Variants in KIF1A observed in about 807,000 individuals in gnomAD.
The protein encoded by KIF1A is kinesin-like protein KIF1A.
Under a neutral mutation model 227.3 loss-of-function variants are expected in KIF1A, and 46 were observed. The observed-to-expected ratio is 0.20, with a 90% CI of 0.16 to 0.26. The LOEUF (loss-of-function observed/expected upper bound fraction) is 0.26. KIF1A is among the 10% of genes least tolerant of loss of function. The pLI is 1.00. For synonymous variants in KIF1A, 1,022 were observed against 1,012.8 expected (o/e 1.01, Z -0.17); for missense variants, 1,683 against 2,485.9 (o/e 0.68, Z 6.87).
Position 240,763,063 on chromosome 2 carries a change from G to A in KIF1A, c.1978C>T (p.Arg660Cys), listed in dbSNP as rs755461108. Residue 660 changes from arginine to cysteine, a missense_variant, in exon 22 of 49, where the codon CGC (arginine) becomes TGC (cysteine). By Grantham distance (180) the Arg-to-Cys change is radical (BLOSUM62 -3). Around this residue, in one of 12 missense-constraint regions of KIF1A, gnomAD observed 217 missense variants for 427.0 expected, o/e 0.51. Transcript: ENST00000498729. ...AGGTAGGTGGCCTCCTCCCGCTCGC[G>A]GCGGTACTGGTCCTCCAGTTCCTGG... Reference protein sequence around the residue: ...RLQELEDQYRREREEATYLLE... With the variant: ...RLQELEDQYRCEREEATYLLE... The A allele has an allele frequency of 1.3e-6, 2 of 1,560,600 alleles. No individual in the cohort carries two copies. The highest frequency in any genetic ancestry group is 1.7e-6 in the Non-Finnish European group (2 of 1,155,278).
At position 240,775,811 on chromosome 2, in the gene KIF1A, G is replaced by C. The variant is rs760724447; in HGVS notation, c.958+40C>G. On this transcript the variant is annotated intron_variant, in intron 11 of 48. Coordinates refer to ENST00000498729, the MANE Select transcript of KIF1A (RefSeq NM_001244008.2). The surrounding 1 kb of genome is among the most constrained non-coding windows in gnomAD (Gnocchi z 5.5). ...GGAAGAAGGGCACAGCCCAGGGTGG[G>C]ATCAGAGCCCTGGGGACAGGCAAAC... The C allele has an allele frequency of 7.4e-7, 1 of 1,360,174 alleles. No individual in the cohort carries two copies. The highest frequency in any genetic ancestry group is 1.1e-6 in the Non-Finnish European group (1 of 948,450). The allele number at this position is 1,360,174 out of a possible 1,614,324, so 84.3% of individuals were successfully genotyped here. A position where few individuals can be genotyped will look rare whatever the true frequency, so the allele number is the denominator to read the frequency against.
rs2050749506 is a variant in KIF1A, at chr2:240,763,224, C to T, written c.1891G>A (p.Ala631Thr). 6.2e-7 allele frequency: 1 copy of T among 1,612,908 alleles called. No homozygotes were observed. The highest frequency in any genetic ancestry group is 8.5e-7 in the Non-Finnish European group (1 of 1,179,796). The part of the protein sequence containing the change: ...TPAEPVDWAF[A>T]QRELLEKQGI... ...TGCTTCTCCAGCAGCTCACGCTGGG[C>T]GAAGGCCCAGTCCACAGGCTCAGCT... Residue 631 changes from alanine (A) to threonine (T), a missense_variant, in exon 21 of 49, where the codon GCC (alanine) becomes ACC (threonine). By Grantham distance (58) the Ala-to-Thr change is moderately conservative. Transcript: ENST00000498729.
intron 38 of KIF1A, among the ~76,000 whole-genome samples, chr2:240,728,733 G>T (rs896756545): frequency 2.0e-5 from 3 of 152,204 alleles, no homozygotes; most frequent in Admixed American, 2.0e-4. Context: ...AACATTGCAG[G>T]ATCCTGTGGA....
intron 1 of KIF1A, among the ~76,000 whole-genome samples, chr2:240,807,441 C>T (rs2057528873): frequency 6.6e-6 from 1 of 152,112 alleles, no homozygotes; most frequent in African/African-American, 2.4e-5. Context: ...CCGCACCCAG[C>T]CCCTTCCATA....
chr2:240,727,469 G>A (rs1391330817), intron 38 of KIF1A, among the ~76,000 whole-genome samples: 4 of 152,202 alleles, frequency 2.6e-5, no homozygotes, highest in Admixed American at 6.5e-5. Context: ...GGACCTGCCC[G>A]GGTTTGCCAA....
At position 240,820,082 on chromosome 2, in the gene KIF1A, G is replaced by GGGGCGC. The variant is rs1291630601; in HGVS notation, c.-61+34_-61+39dup. The GGGGCGC allele has an allele frequency of 2.0e-5, 3 of 151,236 alleles. No homozygotes were observed. The highest frequency in any genetic ancestry group is 6.7e-5 in the Admixed American group (1 of 14,976). The allele number at this position is 151,236 out of a possible 1,614,324, so 9.4% of individuals were successfully genotyped here. On this transcript the variant is annotated intron_variant, in intron 1 of 48. Transcript: ENST00000498729. The surrounding 1 kb of genome is among the most constrained non-coding windows in gnomAD (Gnocchi z 6.2). The stretch of plus-strand genomic sequence containing the variant: ...GCTGCCGGGCGCAGGTGCGGGGCGA[G>GGGGCGC]GGGCGCGGGCGCGGGAGGCCGGGCG...
In KIF1A at chr2:240,795,276, T is replaced by A. The variant is rs1047594222; in HGVS notation, c.106+2371A>T. On this transcript the variant is annotated intron_variant, in intron 2 of 48. Coordinates refer to ENST00000498729, the MANE Select transcript of KIF1A (RefSeq NM_001244008.2). Reference sequence around the variant, plus strand: ...CATAGGCGAAATCCCAGAACTCCAATGTCTTCAGGGCCAGACGGGATCCAG... The same window carrying A: ...CATAGGCGAAATCCCAGAACTCCAAAGTCTTCAGGGCCAGACGGGATCCAG... 1.1e-4 allele frequency among the ~76,000 whole-genome samples: 17 copies of A among 152,146 alleles called. 1 individual carries two copies. Among genetic ancestry groups the A allele is most frequent in the African/African-American group, 4.1e-4 (17 of 41,438 alleles).
Position 240,786,466 on chromosome 2 carries a change from G to A in KIF1A, c.477C>T (p.Asn159=), listed in dbSNP as rs1266188389. 1 of 1,613,612 alleles carries A rather than the reference G, an allele frequency of 6.2e-7. No individual in the cohort carries two copies. The highest frequency in any genetic ancestry group is 1.7e-5 in the Admixed American group (1 of 60,016). Residue 159 remains asparagine (N), a synonymous_variant, in exon 6 of 49, where the codon AAC becomes AAT. Coordinates refer to ENST00000498729, the MANE Select transcript of KIF1A (RefSeq NM_001244008.2). ...CGCGAAGGTTGCCCTTGTTCTTGGG[G>A]TTCAGGAGGTCACGGACGCGCTCAC... ...IYCERVRDLL[N]PKNKGNLRVR... is the part of the protein sequence containing the mutation.
rs1476872386 is a variant in KIF1A at position 240,766,510 on chromosome 2, T to C, written c.1684+405A>G. On this transcript the variant is annotated intron_variant, in intron 19 of 48. Transcript: ENST00000498729. This position sits in a 1 kb window ranked among gnomAD's most constrained non-coding sequence, Gnocchi z 5.0. ...TCTGGGCTCAATCCTCATGGCTCAC[T>C]GTCCTCCCGCCATGAACATCCTCCA... Among the ~76,000 whole-genome samples, 2 of 152,142 alleles carry C rather than the reference T, an allele frequency of 1.3e-5. No individual in the cohort carries two copies. Among genetic ancestry groups the C allele is most frequent in the East Asian group, 3.9e-4 (2 of 5,162 alleles).
Position 240,782,615 on chromosome 2 carries a change from G to A in KIF1A, c.865-8C>T, listed in dbSNP as rs1407458603. ...CTTGTTGGGTCCGGAGTCCTGAAAA[G>A]GAAAAGACAGAGAGAGGCTGAGGCC... is the stretch of plus-strand genomic sequence containing the variant. On this transcript the variant is annotated splice_region_variant and splice_polypyrimidine_tract_variant and intron_variant, in intron 9 of 48. Coordinates refer to ENST00000498729, the MANE Select transcript of KIF1A (RefSeq NM_001244008.2). 5 of 1,551,912 alleles carry A rather than the reference G, an allele frequency of 3.2e-6. No individual in the cohort carries two copies. The South Asian group carries it at 5.9e-5, about 18-fold the overall frequency.
intron 1 of KIF1A, among the ~76,000 whole-genome samples, chr2:240,817,236 T>C (rs945605848): frequency 2.0e-5 from 3 of 152,138 alleles, no homozygotes; most frequent in East Asian, 1.9e-4. Flanking sequence ...TGGCCACCCA[T>C]GGACAGGTTC....
chr2:240,809,030 G>A (rs549100908), intron 1 of KIF1A, among the ~76,000 whole-genome samples: 8 of 152,266 alleles, frequency 5.3e-5, no homozygotes, highest in Admixed American at 5.2e-4. Context: ...ACGCCCAGCC[G>A]TCACTAACTT....
At chr2:240,798,858 T>A (rs1262492747) in intron 1 of KIF1A, among the ~76,000 whole-genome samples, 1 of 151,976 alleles carries the variant, frequency 6.6e-6, no homozygotes, top group Admixed American at 6.6e-5. Flanking sequence ...ACACGAGAGG[T>A]TTTCGCCAAT....
chr2:240,813,042 T>TCACCTCA (rs1553642834), intron 1 of KIF1A, among the ~76,000 whole-genome samples: 14 of 150,022 alleles, frequency 9.3e-5, no homozygotes, highest in South Asian at 2.1e-4. Context: ...AGGATCCACT[T>TCACCTCA]GCTCCCAGTT....
chr2:240,749,097 A>T (rs2048923217), intron 28 of KIF1A, among the ~76,000 whole-genome samples: 1 of 151,834 alleles, frequency 6.6e-6, no homozygotes, highest in South Asian at 2.1e-4. Flanking sequence ...ACTGCACTCC[A>T]GCCTGGCGAC....
intron 38 of KIF1A, chr2:240,734,769 G>A (rs769035334): frequency 7.1e-5 from 93 of 1,304,494 alleles, no homozygotes; most frequent in African/African-American, 5.0e-4. Context: ...ACAATCACAC[G>A]GTTAGTGAGG....
Position 240,766,754 on chromosome 2 carries a change from C to CACACAT in KIF1A, c.1684+160_1684+161insATGTGT, listed in dbSNP as rs1298305680. 6.7e-6 allele frequency among the ~76,000 whole-genome samples: 1 copy of CACACAT among 148,902 alleles called. No homozygotes were observed. Among genetic ancestry groups the CACACAT allele is most frequent in the Non-Finnish European group, 1.5e-5 (1 of 67,198 alleles). On this transcript the variant is annotated intron_variant, in intron 19 of 48. Transcript: ENST00000498729. This position sits in a 1 kb window ranked among gnomAD's most constrained non-coding sequence, Gnocchi z 5.0. ...TCTCTCTCTCTCTCTCTCTCTCACA[C>CACACAT]ACACACACACACACACACACACACA... is the stretch of plus-strand genomic sequence containing the variant.
Position 240,778,614 on chromosome 2 carries a change from G to A in KIF1A, c.883-2688C>T, listed in dbSNP as rs1461200248. 3.6e-5 allele frequency among the ~76,000 whole-genome samples: 4 copies of A among 110,984 alleles called. No individual in the cohort carries two copies. Among genetic ancestry groups the A allele is most frequent in the Non-Finnish European group, 5.5e-5 (3 of 54,302 alleles). The allele number at this position is 110,984 out of a possible 152,430, so 72.8% of individuals were successfully genotyped here. ...CGAAAACCCCTTCAGCTCGGCCCCCGTCCCCACACAGCTCCCCACCCCCTT... is the reference window on the plus strand; with the variant it reads ...CGAAAACCCCTTCAGCTCGGCCCCCATCCCCACACAGCTCCCCACCCCCTT... On this transcript the variant is annotated intron_variant, in intron 10 of 48. Transcript: ENST00000498729. This position sits in a 1 kb window ranked among gnomAD's most constrained non-coding sequence, Gnocchi z 7.2.
intron 12 of KIF1A, 118 bp from the exon 13 acceptor site, chr2:240,773,374 G>A: frequency 3.1e-6 from 4 of 1,277,162 alleles, no homozygotes; most frequent in Non-Finnish European, 4.4e-6. Flanking sequence ...CCAGGCCAAA[G>A]GTGGACCTGA....
Sources: gnomAD v4.1 joint callset for allele counts (sites outside exome capture counted in the v4.1 genomes callset) on GRCh38, gnomAD v4.1.1 for gene constraint, gnomAD v4.1.1 regional missense constraint, Gnocchi (gnomAD v3.1) non-coding constraint, MANE v1.5 for transcripts, NCBI Gene and HGNC (gene_info 2026-07-23, HGNC 2026-07-21) for gene names.